The following SEC16A variants were observed in gnomAD, a reference collection of about 807,000 sequenced individuals.
The protein encoded by SEC16A is protein transport protein Sec16A.
A neutral mutation model predicts 221.9 loss-of-function variants in SEC16A; 110 were observed. The observed-to-expected ratio is 0.50, with a 90% CI of 0.42 to 0.58. The LOEUF (loss-of-function observed/expected upper bound fraction) is 0.58. Ranked by LOEUF, SEC16A falls within the 20% of genes least tolerant of loss-of-function variation. The probability of loss-of-function intolerance (pLI) is 0.00; values close to 1 mark genes in which losing one functional copy is unlikely to be tolerated. For synonymous variants in SEC16A, 1,393 were observed against 1,257.7 expected (o/e 1.11, Z -2.28); for missense variants, 3,165 against 3,097.8 (o/e 1.02, Z -0.52).
In SEC16A at chr9:136,472,089, G is replaced by A; in HGVS notation, c.3590C>T (p.Pro1197Leu). ...YYQDVYSLYE[P>L]RYRPYDGAAS... ...AGCACCATCATAGGGCCTGTATCGA[G>A]GCTCATAGAGGCTGTAGACATCCTG... Residue 1197 changes from proline (P) to leucine (L), a missense_variant, in exon 4 of 32, where the codon CCT (proline) becomes CTT (leucine). Physicochemically the swap from Pro to Leu is moderately conservative, Grantham distance 98. Coordinates refer to ENST00000684901, the MANE Select transcript of SEC16A (RefSeq NM_014866.2). 1 of 1,613,742 alleles carries A rather than the reference G, an allele frequency of 6.2e-7. No homozygotes were observed.
chr9:136,454,251 C>T lies in SEC16A; in HGVS notation c.5934G>A (p.Gly1978=). ...CACAGCCAGGACCCGGCTCCAGGGG[C>T]CCCGGGGGCAGTGGCACTGGGAACA... ...VPMFPVPLPP[G]PLEPGPGCVT... The change falls in exon 21 of 32, where the codon GGG becomes GGA. Residue 1978 remains glycine, a synonymous_variant. Coordinates refer to ENST00000684901, the MANE Select transcript of SEC16A (RefSeq NM_014866.2). 6.3e-7 allele frequency: 1 copy of T among 1,578,722 alleles called. No individual in the cohort carries two copies. Among genetic ancestry groups the T allele is most frequent in the South Asian group, 1.2e-5 (1 of 86,128 alleles).
At chr9:136,464,288 T>C (rs1839878492) in intron 9 of SEC16A, 132 bp downstream of exon 9, 3 of 871,550 alleles carry the variant, frequency 3.4e-6, no homozygotes, top group Non-Finnish European at 5.0e-6. Context: ...AATTGAAAAT[T>C]CACAGGAATA....
chr9:136,467,291 T>G (rs1225156679), intron 5 of SEC16A, among the ~76,000 whole-genome samples: 1 of 152,236 alleles, frequency 6.6e-6, no homozygotes, highest in African/African-American at 2.4e-5. Flanking sequence ...GATTTTTCTC[T>G]CAATACAAGT....
Position 136,475,317 on chromosome 9 carries a change from C to T in SEC16A, c.2299G>A (p.Gly767Arg), listed in dbSNP as rs139127515. Residue 767 changes from glycine to arginine, a missense_variant, in exon 3 of 32, where the codon GGG (glycine) becomes AGG (arginine). Around this residue, in one of 3 missense-constraint regions of SEC16A, gnomAD observed 2,030 missense variants for 1,923.1 expected, o/e 1.06. Coordinates refer to ENST00000684901, the MANE Select transcript of SEC16A (RefSeq NM_014866.2). The surrounding 1 kb of genome is among the most constrained non-coding windows in gnomAD (Gnocchi z 5.0). ...VVQPPEEAMSGQQSRNPSSAA... is the reference protein window; with the variant it reads ...VVQPPEEAMSRQQSRNPSSAA... ...GAGCTTGGGTTCCGTGACTGCTGCCCGGACATCGCCTCTTCTGGAGGCTGA... is the reference window on the plus strand; with the variant it reads ...GAGCTTGGGTTCCGTGACTGCTGCCTGGACATCGCCTCTTCTGGAGGCTGA... The T allele has an allele frequency of 1.2e-5, 19 of 1,612,804 alleles. No homozygotes were observed. In the African/African-American group the frequency reaches 1.3e-4, roughly 11 times the overall value.
Position 136,454,110 on chromosome 9 carries a change from T to G in SEC16A, c.6075A>C (p.Pro2025=). The G allele has an allele frequency of 1.3e-6, 2 of 1,550,374 alleles. No individual in the cohort carries two copies. The highest frequency in any genetic ancestry group is 2.4e-5 in the South Asian group (2 of 83,830). The change falls in exon 21 of 32, where the codon CCA becomes CCC. Residue 2025 remains proline (P), a splice_region_variant and synonymous_variant. Coordinates refer to ENST00000684901, the MANE Select transcript of SEC16A (RefSeq NM_014866.2). Reference sequence around the variant, plus strand: ...GAGACAGCATCTCTGCAGCCCCACCTGGGTCTGGGCTCCTGGCTTCCTGGA... The same window carrying G: ...GAGACAGCATCTCTGCAGCCCCACCGGGGTCTGGGCTCCTGGCTTCCTGGA... ...HLLQEARSPD[P]GIVPQEAPVG...
At chr9:136,448,218 C>G in intron 23 of SEC16A, 57 bp from the exon 24 acceptor site, 1 of 1,490,048 alleles carries the variant, frequency 6.7e-7, no homozygotes, top group Non-Finnish European at 9.3e-7. Flanking sequence ...TGAAATAAGC[C>G]AGGGCAAAAA....
At chr9:136,462,393 G>C (rs1259419832) in intron 12 of SEC16A, among the ~76,000 whole-genome samples, 1 of 152,128 alleles carries the variant, frequency 6.6e-6, no homozygotes, top group Non-Finnish European at 1.5e-5. Context: ...ACCTGCCCCA[G>C]TCCCCACGCT....
rs1251853620 is a variant in SEC16A, at chr9:136,474,846, A to G, written c.2770T>C (p.Leu924=). The G allele has an allele frequency of 6.2e-7, 1 of 1,613,978 alleles. No homozygotes were observed. The highest frequency in any genetic ancestry group is 8.5e-7 in the Non-Finnish European group (1 of 1,179,898). ...SEMVSNQPAN[L]LVQPPSQPVP... is the part of the protein sequence containing the mutation. ...GGCTGGGATGGTGGTTGAACCAGCAAATTAGCAGGCTGATTAGAAACCATT... is the reference window on the plus strand; with the variant it reads ...GGCTGGGATGGTGGTTGAACCAGCAGATTAGCAGGCTGATTAGAAACCATT... Residue 924 remains leucine (L), a synonymous_variant, in exon 3 of 32, where the codon TTG becomes CTG. Transcript: ENST00000684901.
intron 1 of SEC16A, among the ~76,000 whole-genome samples, chr9:136,480,809 A>G (rs143102894): frequency 0.043 from 6,473 of 152,024 alleles, 362 homozygotes; most frequent in African/African-American, 0.13. Flanking sequence ...AGAATGGCGT[A>G]AACCTGGGAG....
chr9:136,467,226 G>A lies in SEC16A; in HGVS notation c.3803-143C>T, dbSNP rs541997866. On this transcript the variant is annotated intron_variant, in intron 5 of 31. Transcript: ENST00000684901. ...CCAGCTTCTTCCTGGAAACCAGCAC[G>A]ACACCAGGAAGCCATGAGATCTGGA... 22 of 918,890 alleles carry A rather than the reference G, an allele frequency of 2.4e-5. No individual in the cohort carries two copies. In the Admixed American group the frequency reaches 3.4e-4, roughly 14 times the overall value. 56.9% of individuals were successfully genotyped at this position (918,890 alleles called of 1,614,324 possible).
upstream of SEC16A, chr9:136,483,776 G>A (rs1052957525): frequency 9.0e-5 from 89 of 985,378 alleles, no homozygotes; most frequent in Non-Finnish European, 1.0e-4. Context: ...CCGTTGGGCT[G>A]GGAGGCTGGA....
intron 23 of SEC16A, among the ~76,000 whole-genome samples, chr9:136,450,490 A>C (rs955706962): frequency 2.6e-5 from 4 of 151,786 alleles, no homozygotes; most frequent in African/African-American, 9.7e-5. Context: ...GGAAAAAAAA[A>C]ACAACGGATA....
At chr9:136,445,589 A>C in intron 29 of SEC16A, 56 bp downstream of exon 29, 1 of 1,321,088 alleles carries the variant, frequency 7.6e-7, no homozygotes, top group Non-Finnish European at 1.1e-6. Flanking sequence ...GCGCCTGGAC[A>C]GTGAGCTGCT....
rs376172438 is a variant in SEC16A, at chr9:136,466,991, C to A, written c.3895G>T (p.Ala1299Ser). ...AAGGCAGAGTGCTCTCTCCTGTATG[C>A]GTCATACTCTGCATCACACCAATAC... The part of the protein sequence containing the change: ...RRYWCDAEYD[A>S]YRREHSAFGD... Residue 1299 changes from alanine (A) to serine (S), a missense_variant, in exon 6 of 32, where the codon GCA becomes TCA. Around this residue, in one of 3 missense-constraint regions of SEC16A, gnomAD observed 2,030 missense variants for 1,923.1 expected, o/e 1.06. Coordinates refer to ENST00000684901, the MANE Select transcript of SEC16A (RefSeq NM_014866.2). The surrounding 1 kb of genome is among the most constrained non-coding windows in gnomAD (Gnocchi z 5.5). 2 of 1,613,708 alleles carry A rather than the reference C, an allele frequency of 1.2e-6. No homozygotes were observed. The highest frequency in any genetic ancestry group is 2.7e-5 in the African/African-American group (2 of 75,042).
chr9:136,462,369 G>A (rs1588947366), intron 12 of SEC16A, among the ~76,000 whole-genome samples: 1 of 152,218 alleles, frequency 6.6e-6, no homozygotes, highest in East Asian at 1.9e-4. Flanking sequence ...GCAGGCTCCT[G>A]TCTCAGGCCC....
At position 136,454,263 on chromosome 9, in the gene SEC16A, T is replaced by C; in HGVS notation, c.5922A>G (p.Pro1974=). ...CCGGCTCCAGGGGCCCCGGGGGCAGTGGCACTGGGAACATCGGCACTCTGG... is the reference window on the plus strand; with the variant it reads ...CCGGCTCCAGGGGCCCCGGGGGCAGCGGCACTGGGAACATCGGCACTCTGG... ...SPARVPMFPV[P]LPPGPLEPGP... The change falls in exon 21 of 32, where the codon CCA becomes CCG. Residue 1974 remains proline, a synonymous_variant. Transcript: ENST00000684901. 6.3e-7 allele frequency: 1 copy of C among 1,582,276 alleles called. No individual in the cohort carries two copies. The highest frequency in any genetic ancestry group is 8.6e-7 in the Non-Finnish European group (1 of 1,164,814).
chr9:136,472,835 T>C (rs1296039510), intron 3 of SEC16A, among the ~76,000 whole-genome samples: 1 of 152,096 alleles, frequency 6.6e-6, no homozygotes, highest in African/African-American at 2.4e-5. Context: ...AACAGACTCA[T>C]CCTTGGCCAC....
chr9:136,450,034 T>C (rs1190454142), intron 23 of SEC16A, among the ~76,000 whole-genome samples: 1 of 151,968 alleles, frequency 6.6e-6, no homozygotes, highest in Non-Finnish European at 1.5e-5. Context: ...TGAAACCCCA[T>C]CTCTACTAAA....
Position 136,466,351 on chromosome 9 carries a change from G to A in SEC16A, c.4041C>T (p.Ser1347=), listed in dbSNP as rs541440048. ...DPYGEEVDRR[S]VHSEHSARSL... Reference sequence around the variant, plus strand: ...TCCGTGCCGAGTGCTCGCTGTGGACGCTGCGCCGGTCCACCTCTTCCCCAT... The same window carrying A: ...TCCGTGCCGAGTGCTCGCTGTGGACACTGCGCCGGTCCACCTCTTCCCCAT... The change falls in exon 7 of 32, where the codon AGC becomes AGT. Residue 1347 remains serine, a synonymous_variant. Coordinates refer to ENST00000684901, the MANE Select transcript of SEC16A (RefSeq NM_014866.2). The surrounding 1 kb of genome is among the most constrained non-coding windows in gnomAD (Gnocchi z 5.5). 27 of 1,582,840 alleles carry A rather than the reference G, an allele frequency of 1.7e-5. No individual in the cohort carries two copies. The South Asian group carries it at 2.2e-4, about 13-fold the overall frequency.
Sources: gnomAD v4.1 joint callset for allele counts (sites outside exome capture counted in the v4.1 genomes callset) on GRCh38, gnomAD v4.1.1 for gene constraint, gnomAD v4.1.1 regional missense constraint, Gnocchi (gnomAD v3.1) non-coding constraint, MANE v1.5 for transcripts, NCBI Gene and HGNC (gene_info 2026-07-23, HGNC 2026-07-21) for gene names.